Variants in CD2AP observed in about 807,000 individuals in gnomAD.
CD2AP encodes the protein CD2-associated protein.
In CD2AP, 46 loss-of-function variants were observed where a neutral mutation model predicts 85.1. The ratio of observed to expected loss-of-function variants is 0.54; its 90% confidence interval spans 0.43 to 0.69. The LOEUF (loss-of-function observed/expected upper bound fraction) is 0.69, where lower values mean the gene tolerates loss of function less well. CD2AP is among the 30% of genes least tolerant of loss of function. CD2AP has a pLI of 0.00. For synonymous variants in CD2AP, 255 were observed against 252.9 expected, an observed-to-expected ratio of 1.01 and a Z score of -0.08; for missense variants, 769 against 729.5, an observed-to-expected ratio of 1.05 and a Z score of -0.62.
chr6:47,522,064 G>A (rs1766612595), intron 2 of CD2AP, among the ~76,000 whole-genome samples: 2 of 152,040 alleles, frequency 1.3e-5, no homozygotes, highest in African/African-American at 4.8e-5. Context: ...TGACTAATTG[G>A]AGACATTGAA....
At chr6:47,494,957 C>T (rs560949705) in intron 1 of CD2AP, among the ~76,000 whole-genome samples, 8 of 152,056 alleles carry the variant, frequency 5.3e-5, no homozygotes, top group East Asian at 1.9e-4. Context: ...CCAAGGAGTT[C>T]GAGACAAGTC....
chr6:47,532,457 A>G (rs1380105239), intron 2 of CD2AP, among the ~76,000 whole-genome samples: 1 of 151,848 alleles, frequency 6.6e-6, no homozygotes, highest in Non-Finnish European at 1.5e-5. Flanking sequence ...GTTAATTTTA[A>G]TATGAAATGT....
At chr6:47,494,254 G>A (rs2113970590) in intron 1 of CD2AP, among the ~76,000 whole-genome samples, 1 of 152,176 alleles carries the variant, frequency 6.6e-6, no homozygotes. Flanking sequence ...AGGTGCCAGG[G>A]GGTTCACATT....
intron 17 of CD2AP, 117 bp from the exon 18 acceptor site, chr6:47,624,069 G>A (rs755315195): frequency 3.6e-6 from 3 of 830,996 alleles, no homozygotes; most frequent in South Asian, 3.1e-5. Flanking sequence ...TGGATTTTAG[G>A]TCTGGAAAAA....
intron 5 of CD2AP, among the ~76,000 whole-genome samples, chr6:47,563,364 T>G (rs1767912489): frequency 6.6e-6 from 1 of 152,228 alleles, no homozygotes; most frequent in Non-Finnish European, 1.5e-5. Context: ...TTGCTTAATA[T>G]GCAAATTTTC....
chr6:47,567,928 T>C (rs1337449873), intron 5 of CD2AP, among the ~76,000 whole-genome samples: 5 of 152,102 alleles, frequency 3.3e-5, no homozygotes, highest in Non-Finnish European at 5.9e-5. Flanking sequence ...GGGGAGTAGA[T>C]TGGAGAAGAG....
intron 2 of CD2AP, among the ~76,000 whole-genome samples, chr6:47,508,429 A>G (rs999938114): frequency 6.6e-6 from 1 of 151,738 alleles, no homozygotes; most frequent in Non-Finnish European, 1.5e-5. Context: ...ACCTCTCTGT[A>G]TTCAGTGAGT....
chr6:47,578,183 G>T (rs564613078), intron 8 of CD2AP, among the ~76,000 whole-genome samples: 105 of 151,940 alleles, frequency 6.9e-4, no homozygotes, highest in African/African-American at 2.4e-3. Context: ...AACTTAGAAG[G>T]TCTTGTTAAT....
At chr6:47,524,667 G>A (rs1240229909) in intron 2 of CD2AP, among the ~76,000 whole-genome samples, 2 of 151,876 alleles carry the variant, frequency 1.3e-5, no homozygotes, top group Non-Finnish European at 2.9e-5. Context: ...ATAGAAAAAA[G>A]GAAAGGAGTA....
intron 2 of CD2AP, among the ~76,000 whole-genome samples, chr6:47,504,373 T>C (rs1766072313): frequency 1.3e-5 from 2 of 152,182 alleles, no homozygotes; most frequent in Non-Finnish European, 2.9e-5. Flanking sequence ...TTGAATAAAC[T>C]TGTGTTTATT....
chr6:47,581,040 G>A (rs957640377), intron 10 of CD2AP, 140 bp downstream of exon 10: 13 of 683,094 alleles, frequency 1.9e-5, no homozygotes, highest in Non-Finnish European at 3.4e-5. Flanking sequence ...TGAAAATTGA[G>A]TGTTCACATG....
chr6:47,501,937 C>CTA (rs924966361), intron 1 of CD2AP, among the ~76,000 whole-genome samples: 1 of 152,026 alleles, frequency 6.6e-6, no homozygotes, highest in African/African-American at 2.4e-5. Context: ...TAGTTTAGAA[C>CTA]TATATATATT....
intron 3 of CD2AP, among the ~76,000 whole-genome samples, chr6:47,539,988 G>A (rs1426789451): frequency 6.7e-6 from 1 of 149,488 alleles, no homozygotes; most frequent in East Asian, 1.9e-4. Context: ...GGACCAGCCT[G>A]AGCAACATGG....
At chr6:47,592,750 A>T (rs959157584) in intron 11 of CD2AP, among the ~76,000 whole-genome samples, 1 of 152,132 alleles carries the variant, frequency 6.6e-6, no homozygotes, top group African/African-American at 2.4e-5. Flanking sequence ...CATTGAGGGG[A>T]TAGGAAGGTG....
intron 8 of CD2AP, among the ~76,000 whole-genome samples, chr6:47,579,162 G>A (rs1172156220): frequency 2.0e-5 from 3 of 152,018 alleles, no homozygotes; most frequent in Non-Finnish European, 2.9e-5. Context: ...CACTTTGGGA[G>A]ACCAAATCAA....
chr6:47,611,383 G>GA (rs982502490), intron 16 of CD2AP, among the ~76,000 whole-genome samples: 1 of 92,286 alleles, frequency 1.1e-5, no homozygotes, highest in Non-Finnish European at 2.8e-5. Context: ...ATGGAAGAGG[G>GA]GGGGAATAGG....
At chr6:47,580,157 C>T (rs1768435012) in intron 9 of CD2AP, among the ~76,000 whole-genome samples, 1 of 152,152 alleles carries the variant, frequency 6.6e-6, no homozygotes, top group Non-Finnish European at 1.5e-5. Flanking sequence ...TGTTAGATTG[C>T]ATTCAGTATT....
chr6:47,618,821 G>A (rs538979156), intron 17 of CD2AP, among the ~76,000 whole-genome samples: 42 of 152,176 alleles, frequency 2.8e-4, no homozygotes, highest in African/African-American at 1.0e-3. Context: ...CTGTTACTTG[G>A]CCTCTCACTG....
chr6:47,546,468 C>T (rs1767367526), intron 4 of CD2AP, among the ~76,000 whole-genome samples: 1 of 152,180 alleles, frequency 6.6e-6, no homozygotes, highest in South Asian at 2.1e-4. Context: ...TTGCTACAGA[C>T]CTAGACATCC....
Sources: gnomAD v4.1 joint callset for allele counts (sites outside exome capture counted in the v4.1 genomes callset) on GRCh38, gnomAD v4.1.1 for gene constraint, MANE v1.5 for transcripts, NCBI Gene and HGNC (gene_info 2026-07-23, HGNC 2026-07-21) for gene names.